The following CDKL3 variants were observed in gnomAD, a reference collection of about 807,000 sequenced individuals.
The protein encoded by CDKL3 is cyclin dependent kinase like 3, also known as cyclin-dependent kinase-like 3.
CDKL3 carries 65 observed loss-of-function variants against 69.3 expected under a neutral mutation model. That is an observed-to-expected ratio of 0.94 (90% CI 0.77 to 1.15). The LOEUF is 1.15. CDKL3 is among the 50% of genes most tolerant of loss of function. CDKL3 has a pLI of 0.00. For missense variants in CDKL3, 652 were observed against 689.2 expected (o/e 0.95, Z 0.61); for synonymous variants, 202 against 221.6 (o/e 0.91, Z 0.79).
upstream of CDKL3, chr5:134,367,174 A>C (rs1581286655): frequency 1.0e-6 from 1 of 985,504 alleles, no homozygotes. Context: ...TGCGTTCTAG[A>C]CTCGTGCGCA....
chr5:134,363,416 CT>C (rs1756539854), intron 2 of CDKL3, among the ~76,000 whole-genome samples: 1 of 146,204 alleles, frequency 6.8e-6, no homozygotes, highest in Admixed American at 6.9e-5. Flanking sequence ...GCCTCAGCCT[CT>C]TGTGTAGCTG....
intron 4 of CDKL3, among the ~76,000 whole-genome samples, chr5:134,326,866 T>TATATATATATATAC (rs1561563782): frequency 1.0e-5 from 1 of 98,260 alleles, no homozygotes; most frequent in African/African-American, 5.9e-5. Flanking sequence ...TATATATATA[T>TATATATATATATAC]ACACACACAC....
chr5:134,310,172 TTATTA>T (rs1376419911), intron 7 of CDKL3, among the ~76,000 whole-genome samples: 2 of 148,832 alleles, frequency 1.3e-5, no homozygotes, highest in Admixed American at 1.4e-4. Context: ...ATTTTATTTT[TTATTA>T]TATTTATTTA....
Position 134,363,250 on chromosome 5 carries a change from C to T in CDKL3, c.165+3109G>A, listed in dbSNP as rs572082463. Among the ~76,000 whole-genome samples the T allele has an allele frequency of 6.6e-5, 10 of 152,196 alleles. No individual in the cohort carries two copies. The East Asian group carries it at 1.7e-3, about 26-fold the overall frequency. Reference sequence around the variant, plus strand: ...ACTGATATCTTTCACAAAATCATAACATCTTTACTGACTCACTTTTCATTG... The same window carrying T: ...ACTGATATCTTTCACAAAATCATAATATCTTTACTGACTCACTTTTCATTG... On this transcript the variant is annotated intron_variant, in intron 2 of 12. Coordinates refer to ENST00000265334, the MANE Select transcript of CDKL3 (RefSeq NM_001113575.2).
At chr5:134,371,474 C>T (rs34835090), upstream of CDKL3, 6 of 786,328 alleles carry the variant, frequency 7.6e-6, no homozygotes, top group African/African-American at 2.9e-5. Flanking sequence ...TTGTCAGTCT[C>T]GGCGGCGGCG....
chr5:134,332,067 ATG>A (rs1205836294), intron 4 of CDKL3, among the ~76,000 whole-genome samples: 2 of 152,114 alleles, frequency 1.3e-5, no homozygotes, highest in East Asian at 1.9e-4. Context: ...GCATTTTTTA[ATG>A]TGTCTGTTGG....
intron 7 of CDKL3, 44 bp from the exon 8 acceptor site, chr5:134,308,771 C>T (rs754099838): frequency 2.7e-6 from 4 of 1,476,742 alleles, no homozygotes; most frequent in Admixed American, 2.5e-5. Flanking sequence ...TTTATATATG[C>T]AGATGGAGTA....
At chr5:134,316,987 T>C (rs1424478558) in intron 6 of CDKL3, among the ~76,000 whole-genome samples, 1 of 152,144 alleles carries the variant, frequency 6.6e-6, no homozygotes, top group Non-Finnish European at 1.5e-5. Flanking sequence ...TTTTATATTT[T>C]TTCTATAATT....
At chr5:134,286,931 G>C (rs1037605116) in intron 8 of CDKL3, among the ~76,000 whole-genome samples, 1 of 152,198 alleles carries the variant, frequency 6.6e-6, no homozygotes, top group Admixed American at 6.5e-5. Flanking sequence ...CAAACATATA[G>C]AGACTGTAGC....
At chr5:134,346,478 AC>A (rs1194788864) in intron 4 of CDKL3, among the ~76,000 whole-genome samples, 1 of 152,150 alleles carries the variant, frequency 6.6e-6, no homozygotes, top group African/African-American at 2.4e-5. Context: ...GACTCTTGTT[AC>A]AGGTAGGGAA....
At position 134,308,647 on chromosome 5, in the gene CDKL3, T is replaced by C; in HGVS notation, c.962A>G (p.Glu321Gly). The C allele has an allele frequency of 6.2e-7, 1 of 1,609,918 alleles. No homozygotes were observed. The highest frequency in any genetic ancestry group is 8.5e-7 in the Non-Finnish European group (1 of 1,178,648). The change falls in exon 8 of 13, where the codon GAA (glutamate) becomes GGA (glycine). Residue 321 changes from glutamate (E) to glycine (G), a missense_variant. By Grantham distance (98) the Glu-to-Gly change is moderately conservative (BLOSUM62 -2). Coordinates refer to ENST00000265334, the MANE Select transcript of CDKL3 (RefSeq NM_001113575.2). ...SLIKPKESSK[E>G]NELRKDERKT... The stretch of plus-strand genomic sequence containing the variant: ...TCTTTCATCTTTCCTGAGTTCATTT[T>C]CTTTAGAACTCTCTTTTGGCTTTAT...
rs1282960765 is a variant in CDKL3 at position 134,321,916 on chromosome 5, A to T, written c.540-13T>A. 3 of 1,387,692 alleles carry T rather than the reference A, an allele frequency of 2.2e-6. No individual in the cohort carries two copies. Among genetic ancestry groups the T allele is most frequent in the African/African-American group, 2.9e-5 (2 of 69,470 alleles). 86.0% of individuals were successfully genotyped at this position (1,387,692 alleles called of 1,614,324 possible). ...GATATCCACAGGTCTGAAACAGATC[A>T]GGGAAAAAAAAATCACTTTTTCATG... is the stretch of plus-strand genomic sequence containing the variant. On this transcript the variant is annotated splice_polypyrimidine_tract_variant and intron_variant, in intron 4 of 12. Transcript: ENST00000265334.
upstream of CDKL3, chr5:134,371,502 G>C (rs1758404033): frequency 6.7e-6 from 10 of 1,501,178 alleles, no homozygotes; most frequent in Non-Finnish European, 8.9e-6. Flanking sequence ...CGGCGGCGGC[G>C]GCGATCCACA....
At chr5:134,341,229 A>G (rs1385614074) in intron 4 of CDKL3, among the ~76,000 whole-genome samples, 1 of 152,202 alleles carries the variant, frequency 6.6e-6, no homozygotes, top group African/African-American at 2.4e-5. Flanking sequence ...AAAATCATCT[A>G]ATATCATACT....
chr5:134,361,442 C>T (rs931688333), intron 2 of CDKL3, among the ~76,000 whole-genome samples: 1 of 152,130 alleles, frequency 6.6e-6, no homozygotes, highest in Non-Finnish European at 1.5e-5. Context: ...AACACAGTGT[C>T]AATTTTTCTA....
chr5:134,337,452 G>A (rs1167632085), intron 4 of CDKL3, among the ~76,000 whole-genome samples: 1 of 152,210 alleles, frequency 6.6e-6, no homozygotes, highest in Non-Finnish European at 1.5e-5. Flanking sequence ...GCTGGGAGCT[G>A]TAGACCGGAG....
intron 3 of CDKL3, 113 bp downstream of exon 3, chr5:134,359,781 CTAT>C (rs1233449389): frequency 4.0e-6 from 3 of 751,954 alleles, no homozygotes; most frequent in Non-Finnish European, 6.3e-6. Context: ...TTCAGGATGT[CTAT>C]TATTATTGTA....
At chr5:134,358,972 C>T (rs1459827194) in intron 3 of CDKL3, among the ~76,000 whole-genome samples, 3 of 152,156 alleles carry the variant, frequency 2.0e-5, no homozygotes, top group East Asian at 3.9e-4. Flanking sequence ...ATGCTTTATA[C>T]CTAGTACCTA....
At chr5:134,360,811 T>C (rs555655104) in intron 2 of CDKL3, among the ~76,000 whole-genome samples, 2 of 152,336 alleles carry the variant, frequency 1.3e-5, no homozygotes, top group Admixed American at 6.5e-5. Flanking sequence ...TGAATTTATA[T>C]AAATTAATTA....
Sources: gnomAD v4.1 joint callset for allele counts (sites outside exome capture counted in the v4.1 genomes callset) on GRCh38, gnomAD v4.1.1 for gene constraint, MANE v1.5 for transcripts, NCBI Gene and HGNC (gene_info 2026-07-23, HGNC 2026-07-21) for gene names.